The following EMC2 variants were observed in gnomAD, a reference collection of about 807,000 sequenced individuals.
EMC2 encodes TPR repeat protein 35.
Under a neutral mutation model 51.6 loss-of-function variants are expected in EMC2, and 37 were observed. The observed-to-expected ratio is 0.72, with a 90% confidence interval of 0.55 to 0.94. EMC2 has a LOEUF of 0.94. EMC2 is among the 40% of genes least tolerant of loss of function. EMC2 has a pLI of 0.00. For missense variants in EMC2, 359 were observed against 350.9 expected (o/e 1.02, Z -0.18); for synonymous variants, 131 against 112.4 (o/e 1.17, Z -1.04).
intron 6 of EMC2, 30 bp from the exon 7 acceptor site, chr8:108,470,032 A>G: frequency 6.2e-7 from 1 of 1,600,916 alleles, no homozygotes; most frequent in Non-Finnish European, 8.6e-7. Context: ...ATATCTACAC[A>G]CTTACTTTTT....
At chr8:108,454,006 T>G (rs1388283290) in intron 4 of EMC2, among the ~76,000 whole-genome samples, 1 of 152,150 alleles carries the variant, frequency 6.6e-6, no homozygotes, top group African/African-American at 2.4e-5. Context: ...CTCTGAGGTC[T>G]GCTTTGTCTG....
chr8:108,459,721 A>AGAGAGAGAGAGTGT lies in EMC2; in HGVS notation c.363+3792_363+3793insAGAGAGAGAGTGTG, dbSNP rs763020311. Among the ~76,000 whole-genome samples the AGAGAGAGAGAGTGT allele has an allele frequency of 4.2e-3, 571 of 136,954 alleles. 4 individuals are homozygous for AGAGAGAGAGAGTGT. The highest frequency in any genetic ancestry group is 0.016 in the African/African-American group (550 of 33,712). The allele number at this position is 136,954 out of a possible 152,430, so 89.8% of individuals were successfully genotyped here. ...AGCCATGTGAGAGAGAGAGAGAGAG[A>AGAGAGAGAGAGTGT]GTGTGTGTGTGTGTGTGTGTGTGTG... On this transcript the variant is annotated intron_variant, in intron 5 of 10. Coordinates refer to ENST00000220853, the MANE Select transcript of EMC2 (RefSeq NM_014673.5).
rs1014535478 is a variant in EMC2 at position 108,488,169 on chromosome 8, T to A, written c.*1571T>A. On this transcript the variant is annotated 3_prime_UTR_variant, in exon 11 of 11. Coordinates refer to ENST00000220853, the MANE Select transcript of EMC2 (RefSeq NM_014673.5). The stretch of plus-strand genomic sequence containing the variant: ...ATAGCTGTCTGCCTTAGTTTCACTT[T>A]TTTTTTTTTTTTTTTGAGACAGTCT... Among the ~76,000 whole-genome samples, 1 of 147,376 alleles carries A rather than the reference T, an allele frequency of 6.8e-6. No individual in the cohort carries two copies. The highest frequency in any genetic ancestry group is 2.5e-5 in the African/African-American group (1 of 39,744).
At position 108,469,930 on chromosome 8, in the gene EMC2, G is replaced by A; in HGVS notation, c.449+19G>A. ...TGGAACAGTGAGTATTTTACAAGAG[G>A]ATTGTGTTTTGTTATTCTGATAAAT... On this transcript the variant is annotated intron_variant, in intron 6 of 10. Coordinates refer to ENST00000220853, the MANE Select transcript of EMC2 (RefSeq NM_014673.5). 1.3e-6 allele frequency: 2 copies of A among 1,591,394 alleles called. No individual in the cohort carries two copies. Among genetic ancestry groups the A allele is most frequent in the Non-Finnish European group, 1.7e-6 (2 of 1,159,930 alleles).
chr8:108,469,908 A>C lies in EMC2; in HGVS notation c.446A>C (p.Glu149Ala). The C allele has an allele frequency of 6.2e-7, 1 of 1,609,210 alleles. No individual in the cohort carries two copies. ...EAIRELNEYL[E>A]QFVGDQEAWH... ...ATTCGGGAGCTGAATGAGTATCTGG[A>C]ACAGTGAGTATTTTACAAGAGGATT... Residue 149 changes from glutamate to alanine, a missense_variant, in exon 6 of 11, where the codon GAA (glutamate) becomes GCA (alanine). Glu to Ala is a moderately radical substitution (Grantham distance 107). Transcript: ENST00000220853.
chr8:108,452,989 G>T, intron 3 of EMC2, 73 bp from the exon 4 acceptor site: 1 of 607,076 alleles, frequency 1.6e-6, no homozygotes, highest in South Asian at 3.1e-5. Context: ...ACACATTGAA[G>T]ACTATATAGG....
intron 1 of EMC2, among the ~76,000 whole-genome samples, chr8:108,448,279 T>C (rs936639740): frequency 1.3e-4 from 20 of 152,226 alleles, no homozygotes; most frequent in African/African-American, 4.8e-4. Flanking sequence ...TGTAAGGTCA[T>C]GTAAAAGATG....
chr8:108,482,479 G>A (rs1478534749), intron 10 of EMC2, among the ~76,000 whole-genome samples: 2 of 152,010 alleles, frequency 1.3e-5, no homozygotes, highest in African/African-American at 4.8e-5. Context: ...GAAATCTTTT[G>A]CTACTCACGG....
At chr8:108,444,245 C>T (rs114737053) in intron 1 of EMC2, among the ~76,000 whole-genome samples, 1,751 of 152,236 alleles carry the variant, frequency 0.012, 38 homozygotes, top group African/African-American at 0.039. Context: ...GTCTCTGTCC[C>T]ACTCCTTCTC....
intron 8 of EMC2, 70 bp downstream of exon 8, chr8:108,476,033 A>T: frequency 1.3e-6 from 1 of 798,026 alleles, no homozygotes; most frequent in Non-Finnish European, 2.0e-6. Context: ...TGGAACTAAG[A>T]ATATTTCCTT....
intron 3 of EMC2, 110 bp from the exon 4 acceptor site, chr8:108,452,952 A>G (rs1819063144): frequency 2.1e-6 from 1 of 469,538 alleles, no homozygotes; most frequent in Non-Finnish European, 3.9e-6. Flanking sequence ...ATGTTATTAG[A>G]TGACACTAAT....
intron 5 of EMC2, among the ~76,000 whole-genome samples, chr8:108,462,761 G>A (rs956960509): frequency 3.3e-5 from 5 of 151,610 alleles, no homozygotes; most frequent in African/African-American, 4.8e-5. Flanking sequence ...TTTTGAGAAG[G>A]AGTCTCGCTC....
At chr8:108,448,641 A>G (rs1285636970) in intron 1 of EMC2, among the ~76,000 whole-genome samples, 2 of 152,112 alleles carry the variant, frequency 1.3e-5, no homozygotes, top group East Asian at 3.9e-4. Flanking sequence ...AGCCACGTGG[A>G]ACTGCAAGTC....
intron 10 of EMC2, among the ~76,000 whole-genome samples, chr8:108,482,486 AC>A (rs1435313739): frequency 3.3e-5 from 5 of 151,988 alleles, no homozygotes; most frequent in African/African-American, 1.2e-4. Context: ...TTTGCTACTC[AC>A]GGTCATAAAG....
chr8:108,481,547 CAG>C (rs777788249), intron 10 of EMC2, among the ~76,000 whole-genome samples: 13 of 152,018 alleles, frequency 8.6e-5, no homozygotes, highest in East Asian at 3.9e-4. Flanking sequence ...AACAGCTACT[CAG>C]AGTGCTTTTT....
intron 5 of EMC2, among the ~76,000 whole-genome samples, chr8:108,464,311 TA>T (rs891829263): frequency 6.6e-6 from 1 of 152,164 alleles, no homozygotes; most frequent in African/African-American, 2.4e-5. Flanking sequence ...TGAGATTCTT[TA>T]AAAAAGGTAA....
intron 5 of EMC2, among the ~76,000 whole-genome samples, chr8:108,465,664 A>G (rs1819449095): frequency 6.6e-6 from 1 of 152,160 alleles, no homozygotes; most frequent in Non-Finnish European, 1.5e-5. Flanking sequence ...ATGCCTCCAG[A>G]TTGTTTATTC....
chr8:108,460,238 A>G (rs373052275), intron 5 of EMC2, among the ~76,000 whole-genome samples: 3 of 152,226 alleles, frequency 2.0e-5, no homozygotes, highest in Non-Finnish European at 4.4e-5. Context: ...CTCAGTTTAC[A>G]TTGGGAATTT....
chr8:108,476,652 C>A (rs1464600582), intron 8 of EMC2, 130 bp from the exon 9 acceptor site: 1 of 506,496 alleles, frequency 2.0e-6, no homozygotes. Context: ...TAGGTGAATT[C>A]TTTTAACATC....
Sources: allele counts gnomAD v4.1 joint callset (sites outside exome capture counted in the v4.1 genomes callset), GRCh38; gene constraint gnomAD v4.1.1; transcripts MANE v1.5; gene names NCBI Gene and HGNC (gene_info 2026-07-23, HGNC 2026-07-21).